The following JAKMIP3 variants were observed in gnomAD, a reference collection of about 807,000 sequenced individuals.
JAKMIP3 encodes the protein janus kinase and microtubule-interacting protein 3.
Under a neutral mutation model 118.5 loss-of-function variants are expected in JAKMIP3, and 58 were observed. That is an observed-to-expected ratio of 0.49 (90% CI 0.40 to 0.61). The LOEUF (loss-of-function observed/expected upper bound fraction) is 0.61, where lower values mean the gene tolerates loss of function less well. Ranked by LOEUF, JAKMIP3 falls within the 20% of genes least tolerant of loss-of-function variation. The pLI is 0.00. For synonymous variants in JAKMIP3, 486 were observed against 451.2 expected, an observed-to-expected ratio of 1.08 and a Z score of -0.98; for missense variants, 950 against 1,109.0, an observed-to-expected ratio of 0.86 and a Z score of 2.04.
chr10:132,163,697 C>A (rs941023022), intron 20 of JAKMIP3, among the ~76,000 whole-genome samples: 1 of 152,254 alleles, frequency 6.6e-6, no homozygotes, highest in Non-Finnish European at 1.5e-5. Flanking sequence ...GGCCACACCC[C>A]TGGTGGCCAT....
intron 2 of JAKMIP3, 32 bp downstream of exon 2, chr10:132,104,975 G>A (rs781754484): frequency 6.4e-7 from 1 of 1,566,490 alleles, no homozygotes; most frequent in Non-Finnish European, 8.7e-7. Flanking sequence ...ACCCTTGAAT[G>A]TCCCTCCCTC....
intron 6 of JAKMIP3, among the ~76,000 whole-genome samples, chr10:132,136,357 A>ACCT (rs2135772541): frequency 6.6e-6 from 1 of 152,318 alleles, no homozygotes; most frequent in Non-Finnish European, 1.5e-5. Flanking sequence ...GGCCTGGAAC[A>ACCT]GGTGGCCTCC....
At chr10:132,073,465 G>A (rs542977907) in intron 1 of JAKMIP3, among the ~76,000 whole-genome samples, 8 of 151,172 alleles carry the variant, frequency 5.3e-5, no homozygotes, top group East Asian at 1.9e-4. Context: ...GATTACAGGC[G>A]TGAGCCACTG....
In JAKMIP3 at chr10:132,139,208, G is replaced by GTT. The variant is rs201539777; in HGVS notation, c.1344+1031_1344+1032insTT. On this transcript the variant is annotated intron_variant, in intron 9 of 23. Coordinates refer to ENST00000684848, the MANE Select transcript of JAKMIP3 (RefSeq NM_001323087.2). Reference sequence around the variant, plus strand: ...TGTATGTGTGTGTATGAGTGTGTGTGTGTATGTGTGTACATGTGAGTGTAT... The same window carrying GTT: ...TGTATGTGTGTGTATGAGTGTGTGTGTTTGTATGTGTGTACATGTGAGTGTAT... Among the ~76,000 whole-genome samples, 33 of 146,820 alleles carry GTT rather than the reference G, an allele frequency of 2.2e-4. 3 individuals carry two copies. Among genetic ancestry groups the GTT allele is most frequent in the African/African-American group, 4.7e-4 (18 of 38,356 alleles).
In JAKMIP3 at chr10:132,183,741, A is replaced by G. The variant is rs2137453813; in HGVS notation, c.*2488A>G. ...ATCATTGTTTTCACTCGTCTATCAT[A>G]GGCACCTTCTTTACATCTGATTACA... On this transcript the variant is annotated 3_prime_UTR_variant, in exon 24 of 24. Coordinates refer to ENST00000684848, the MANE Select transcript of JAKMIP3 (RefSeq NM_001323087.2). The G allele has an allele frequency of 6.6e-6, 1 of 152,340 alleles. No individual in the cohort carries two copies. The highest frequency in any genetic ancestry group is 2.4e-5 in the African/African-American group (1 of 41,558). The allele number at this position is 152,340 out of a possible 1,614,324, so 9.4% of individuals were successfully genotyped here. A position where few individuals can be genotyped will look rare whatever the true frequency, so the allele number is the denominator to read the frequency against.
In JAKMIP3 at chr10:132,179,727, G is replaced by A. The variant is rs369983442; in HGVS notation, c.*1104-2630G>A. ...AGCAGGGCCACACCACGGCAGGGTC[G>A]CACCACAGCAGGGTCACGCCACGGC... On this transcript the variant is annotated intron_variant, in intron 23 of 23. Transcript: ENST00000684848. This position sits in a 1 kb window ranked among gnomAD's most constrained non-coding sequence, Gnocchi z 4.3. Among the ~76,000 whole-genome samples the A allele has an allele frequency of 1.3e-5, 2 of 150,198 alleles. No individual in the cohort carries two copies. Among genetic ancestry groups the A allele is most frequent in the East Asian group, 1.9e-4 (1 of 5,156 alleles).
chr10:132,081,511 G>A (rs1433540540), intron 1 of JAKMIP3, among the ~76,000 whole-genome samples: 8 of 152,134 alleles, frequency 5.3e-5, no homozygotes, highest in Admixed American at 2.0e-4. Context: ...CATGCTGGTC[G>A]GCTCCTGAGC....
chr10:132,046,682 G>T (rs1427933197), intron 1 of JAKMIP3, among the ~76,000 whole-genome samples: 1 of 152,112 alleles, frequency 6.6e-6, no homozygotes, highest in Admixed American at 6.6e-5. Context: ...AATAATTTTA[G>T]ATTTACCACA....
In JAKMIP3 at chr10:132,136,049, A is replaced by G. The variant is rs1181362794; in HGVS notation, c.1089A>G (p.Lys363=). The G allele has an allele frequency of 6.2e-7, 1 of 1,613,252 alleles. No homozygotes were observed. Among genetic ancestry groups the G allele is most frequent in the African/African-American group, 1.3e-5 (1 of 74,834 alleles). The stretch of plus-strand genomic sequence containing the variant: ...TACGCCGAATGGAAAACAAGTTAAA[A>G]TTTGTCACCCAGGAGAACATAGAAA... ...HALRRMENKL[K]FVTQENIEMR... The change falls in exon 6 of 24, where the codon AAA becomes AAG. Residue 363 remains lysine, a synonymous_variant. Transcript: ENST00000684848.
At chr10:132,145,020 C>A in intron 11 of JAKMIP3, 87 bp from the exon 12 acceptor site, 1 of 1,087,278 alleles carries the variant, frequency 9.2e-7, no homozygotes, top group Non-Finnish European at 1.4e-6. Context: ...AACCAAAAGA[C>A]AGACCCTTCT....
chr10:132,116,564 G>C (rs1213198085), intron 2 of JAKMIP3, among the ~76,000 whole-genome samples: 2 of 87,314 alleles, frequency 2.3e-5, no homozygotes, highest in Non-Finnish European at 4.5e-5. Flanking sequence ...GTGAGTGTGT[G>C]CATCATGGAC....
intron 14 of JAKMIP3, among the ~76,000 whole-genome samples, chr10:132,149,012 G>A (rs1564964131): frequency 6.6e-6 from 1 of 152,186 alleles, no homozygotes; most frequent in Non-Finnish European, 1.5e-5. Context: ...TGGGGACAGT[G>A]GCAGCACTGC....
intron 1 of JAKMIP3, among the ~76,000 whole-genome samples, chr10:132,079,598 T>C (rs2134170267): frequency 6.6e-6 from 1 of 152,342 alleles, no homozygotes; most frequent in African/African-American, 2.4e-5. Context: ...TTAACTGTGG[T>C]AAAATAGACA....
chr10:132,053,312 T>C (rs1043975303), intron 1 of JAKMIP3, among the ~76,000 whole-genome samples: 6 of 152,228 alleles, frequency 3.9e-5, no homozygotes, highest in Admixed American at 3.3e-4. Flanking sequence ...TCCTATGGAA[T>C]TGGGGTGAGG....
rs576868731 is a variant in JAKMIP3, at chr10:132,182,610, C to A, written c.*1357C>A. 6.6e-6 allele frequency: 1 copy of A among 152,270 alleles called. No homozygotes were observed. Among genetic ancestry groups the A allele is most frequent in the South Asian group, 2.1e-4 (1 of 4,810 alleles). 9.4% of individuals were successfully genotyped at this position (152,270 alleles called of 1,614,324 possible). On this transcript the variant is annotated 3_prime_UTR_variant, in exon 24 of 24. Coordinates refer to ENST00000684848, the MANE Select transcript of JAKMIP3 (RefSeq NM_001323087.2). ...GCATGTTTTCACGCAACCAGAAGAG[C>A]CATTCGTGGGATTTAGCCATTTCGA...
At chr10:132,144,666 C>T (rs888714516) in intron 11 of JAKMIP3, 3 of 158,974 alleles carry the variant, frequency 1.9e-5, no homozygotes, top group African/African-American at 7.2e-5. Flanking sequence ...CAGTGGCTCA[C>T]TCCTGTAATC....
chr10:132,177,100 T>C (rs1227205718), intron 23 of JAKMIP3, among the ~76,000 whole-genome samples: 1 of 152,206 alleles, frequency 6.6e-6, no homozygotes, highest in African/African-American at 2.4e-5. Context: ...ATTGCTCTAT[T>C]GTCTAATTTA....
Position 132,121,777 on chromosome 10 carries a change from C to T in JAKMIP3, c.633+4203C>T, listed in dbSNP as rs529877856. On this transcript the variant is annotated intron_variant, in intron 3 of 23. Transcript: ENST00000684848. ...GCCTCCCTTGCTACTTAGCGCCACA[C>T]GCATGGCCACAACCCCAGCAAGGAT... Among the ~76,000 whole-genome samples the T allele has an allele frequency of 2.2e-4, 33 of 152,278 alleles. No homozygotes were observed. The South Asian group carries it at 5.6e-3, about 26-fold the overall frequency.
intron 11 of JAKMIP3, 133 bp from the exon 12 acceptor site, chr10:132,144,974 C>T (rs1229445613): frequency 1.0e-5 from 7 of 697,304 alleles, no homozygotes; most frequent in South Asian, 5.7e-5. Context: ...GCATCTCTTC[C>T]AAAGGAAGGG....
Sources: gnomAD v4.1 joint callset for allele counts (sites outside exome capture counted in the v4.1 genomes callset) on GRCh38, gnomAD v4.1.1 for gene constraint, Gnocchi (gnomAD v3.1) non-coding constraint, MANE v1.5 for transcripts, NCBI Gene and HGNC (gene_info 2026-07-23, HGNC 2026-07-21) for gene names.